Variants in CD4 observed in about 807,000 individuals in gnomAD.
The protein encoded by CD4 is CD4 molecule.
CD4 carries 25 observed loss-of-function variants against 50.5 expected under a neutral mutation model. The observed-to-expected ratio is 0.49, with a 90% CI of 0.36 to 0.69. The LOEUF is 0.69. Among genes scored for constraint, CD4 ranks in the 30% least tolerant of loss-of-function variants. The probability of loss-of-function intolerance (pLI) is 0.00; values close to 1 mark genes in which losing one functional copy is unlikely to be tolerated. For missense variants in CD4, 456 were observed against 548.5 expected, an observed-to-expected ratio of 0.83 and a Z score of 1.68; for synonymous variants, 207 against 221.9, an observed-to-expected ratio of 0.93 and a Z score of 0.60.
rs891486064 is a variant in CD4, at chr12:6,815,690, A to G, written c.608-366A>G. On this transcript the variant is annotated intron_variant, in intron 5 of 9. Transcript: ENST00000011653. ...AGGCACTGAAAATGGTGCCTGGCAC[A>G]GAGTAAGCCCTAGTTAAGTGTTCGC... 2.3e-5 allele frequency: 30 copies of G among 1,304,656 alleles called. No homozygotes were observed. The African/African-American group carries it at 3.6e-4, about 16-fold the overall frequency. 80.8% of individuals were successfully genotyped at this position (1,304,656 alleles called of 1,614,324 possible).
At chr12:6,815,836 C>T (rs1943069389) in intron 5 of CD4, 2 of 1,490,406 alleles carry the variant, frequency 1.3e-6, no homozygotes, top group East Asian at 5.5e-5. Flanking sequence ...GTGATGGCTT[C>T]CGGGAGGAGG....
intron 3 of CD4, among the ~76,000 whole-genome samples, chr12:6,804,800 A>C (rs1249001515): frequency 2.0e-5 from 3 of 151,658 alleles, no homozygotes; most frequent in African/African-American, 7.3e-5. Context: ...GCGGATCATG[A>C]GGTCAGGAGA....
chr12:6,802,031 G>A (rs1591549222), intron 3 of CD4, among the ~76,000 whole-genome samples: 2 of 151,626 alleles, frequency 1.3e-5, no homozygotes, highest in East Asian at 1.9e-4. Flanking sequence ...GTGCCACCAT[G>A]CCCGGCTAAT....
intron 3 of CD4, 81 bp downstream of exon 3, chr12:6,800,552 T>C: frequency 7.8e-7 from 1 of 1,288,704 alleles, no homozygotes; most frequent in East Asian, 2.4e-5. Context: ...CTGGTCTTAG[T>C]TAAACTCTGG....
intron 3 of CD4, among the ~76,000 whole-genome samples, chr12:6,808,255 C>A (rs1326821020): frequency 3.3e-5 from 5 of 150,440 alleles, no homozygotes; most frequent in Non-Finnish European, 5.9e-5. Context: ...GAGATTGAGC[C>A]ACTCTGGCTA....
rs186644989 is a variant in CD4, at chr12:6,803,396, A to C, written c.214+2925A>C. 5.9e-3 allele frequency among the ~76,000 whole-genome samples: 869 copies of C among 148,072 alleles called. 8 individuals carry two copies. The highest frequency in any genetic ancestry group is 0.02 in the African/African-American group (811 of 40,244). On this transcript the variant is annotated intron_variant, in intron 3 of 9. Coordinates refer to ENST00000011653, the MANE Select transcript of CD4 (RefSeq NM_000616.5). ...ACTTCTACCCTCAAGTGATCTACCC[A>C]CCTTGGCCTCCCAAAGTGCTGGGAT...
intron 3 of CD4, among the ~76,000 whole-genome samples, chr12:6,806,174 CACACACACATACACAAGT>C (rs1454935823): frequency 2.4e-4 from 32 of 133,594 alleles, no homozygotes; most frequent in Admixed American, 9.3e-4. Context: ...CACACACACA[CACACACACATACACAAGT>C]ATATACACAT....
At chr12:6,790,524 A>C (rs12424363) in intron 1 of CD4, among the ~76,000 whole-genome samples, 4,037 of 152,328 alleles carry the variant, frequency 0.027, 168 homozygotes, top group East Asian at 0.14. Flanking sequence ...TCATTTAAGA[A>C]ACGGATTCGA....
intron 3 of CD4, among the ~76,000 whole-genome samples, chr12:6,802,810 C>T (rs1445377705): frequency 6.6e-6 from 1 of 151,620 alleles, no homozygotes; most frequent in East Asian, 2.0e-4. Context: ...GATCTCAGCT[C>T]GCTGCAACCT....
Position 6,816,034 on chromosome 12 carries a change from G to A in CD4, c.608-22G>A. On this transcript the variant is annotated intron_variant, in intron 5 of 9. Transcript: ENST00000011653. This position sits in a 1 kb window ranked among gnomAD's most constrained non-coding sequence, Gnocchi z 4.9. ...TCATCTTCCTATCTCCTCACCCAGGGTCTCTCCCTTCCCACCTCCAGCTTT... is the reference window on the plus strand; with the variant it reads ...TCATCTTCCTATCTCCTCACCCAGGATCTCTCCCTTCCCACCTCCAGCTTT... 2 of 1,613,752 alleles carry A rather than the reference G, an allele frequency of 1.2e-6. No homozygotes were observed.
At chr12:6,793,334 C>T (rs1347794225) in intron 1 of CD4, among the ~76,000 whole-genome samples, 1 of 152,130 alleles carries the variant, frequency 6.6e-6, no homozygotes, top group African/African-American at 2.4e-5. Context: ...CCCCAGGCAT[C>T]TTATCAGGGT....
rs1943047781 is a variant in CD4, at chr12:6,814,949, G to T, written c.564G>T (p.Gln188His). The T allele has an allele frequency of 6.2e-7, 1 of 1,613,554 alleles. No homozygotes were observed. The highest frequency in any genetic ancestry group is 8.5e-7 in the Non-Finnish European group (1 of 1,179,694). Residue 188 changes from glutamine to histidine, a missense_variant, in exon 5 of 10, where the codon CAG becomes CAT. Transcript: ENST00000011653. ...GCACCTGGACATGCACTGTCTTGCA[G>T]AACCAGAAGAAGGTGGAGTTCAAAA... ...DSGTWTCTVL[Q>H]NQKKVEFKID...
At position 6,818,606 on chromosome 12, in the gene CD4, C is replaced by A; in HGVS notation, c.1278+64C>A. ...ACCCCTGAGTCCTCTACCAGGAGAT[C>A]CTGTATATGGGAACTGATTTTGGCC... On this transcript the variant is annotated intron_variant, in intron 8 of 9. Coordinates refer to ENST00000011653, the MANE Select transcript of CD4 (RefSeq NM_000616.5). This position sits in a 1 kb window ranked among gnomAD's most constrained non-coding sequence, Gnocchi z 5.0. 6.3e-7 allele frequency: 1 copy of A among 1,598,558 alleles called. No homozygotes were observed. Among genetic ancestry groups the A allele is most frequent in the South Asian group, 1.1e-5 (1 of 90,218 alleles).
At chr12:6,793,834 T>C (rs894858908) in intron 1 of CD4, among the ~76,000 whole-genome samples, 18 of 151,718 alleles carry the variant, frequency 1.2e-4, no homozygotes, top group African/African-American at 4.1e-4. Flanking sequence ...GTATTTTTAG[T>C]AGACACGGGG....
chr12:6,805,045 A>G (rs1392745922), intron 3 of CD4, among the ~76,000 whole-genome samples: 1 of 148,532 alleles, frequency 6.7e-6, no homozygotes, highest in Non-Finnish European at 1.5e-5. Context: ...TTAGCTGAGC[A>G]TTATGGTGTA....
chr12:6,818,066 A>ACG lies in CD4; in HGVS notation c.1157-354_1157-353insGC, dbSNP rs1555118351. ...CATTCACACACATGCACACACGCAC[A>ACG]CACATTCACACATGGACTCACACGC... On this transcript the variant is annotated intron_variant, in intron 7 of 9. Coordinates refer to ENST00000011653, the MANE Select transcript of CD4 (RefSeq NM_000616.5). The surrounding 1 kb of genome is among the most constrained non-coding windows in gnomAD (Gnocchi z 5.0). 1.1e-4 allele frequency among the ~76,000 whole-genome samples: 16 copies of ACG among 145,528 alleles called. No individual in the cohort carries two copies. The highest frequency in any genetic ancestry group is 3.8e-4 in the African/African-American group (15 of 39,956).
Position 6,818,563 on chromosome 12 carries a change from TC to T in CD4, c.1278+25del, listed in dbSNP as rs782652061. 9.3e-6 allele frequency: 15 copies of T among 1,611,856 alleles called. No individual in the cohort carries two copies. The highest frequency in any genetic ancestry group is 1.3e-5 in the African/African-American group (1 of 74,902). ...GAAGGGTGAGTAACCCCACACCTGGTCCCCACAAGGCCCTCAAACCCCTGAG... is the reference window on the plus strand; with the variant it reads ...GAAGGGTGAGTAACCCCACACCTGGTCCCACAAGGCCCTCAAACCCCTGAG... On this transcript the variant is annotated intron_variant, in intron 8 of 9. Transcript: ENST00000011653. The surrounding 1 kb of genome is among the most constrained non-coding windows in gnomAD (Gnocchi z 5.0).
At chr12:6,817,992 G>A (rs12229469) in intron 7 of CD4, among the ~76,000 whole-genome samples, 96,837 of 151,436 alleles carry the variant, frequency 0.64, 31,752 homozygotes, top group East Asian at 0.92. Context: ...ACACGCGCGC[G>A]CACATGCATG....
chr12:6,818,301 CCCCTCT>C lies in CD4; in HGVS notation c.1157-116_1157-111del. Reference sequence around the variant, plus strand: ...CCTTTGAGAGCCCCCAGGCACCCCTCCCCTCTCCCCCAACCCCAGGGTCAAACCAGA... The same window carrying C: ...CCTTTGAGAGCCCCCAGGCACCCCTCCCCCCAACCCCAGGGTCAAACCAGA... On this transcript the variant is annotated intron_variant, in intron 7 of 9. Transcript: ENST00000011653. This position sits in a 1 kb window ranked among gnomAD's most constrained non-coding sequence, Gnocchi z 5.0. 5 of 1,302,488 alleles carry C rather than the reference CCCCTCT, an allele frequency of 3.8e-6. No homozygotes were observed. The highest frequency in any genetic ancestry group is 4.3e-6 in the Non-Finnish European group (4 of 940,256). 80.7% of individuals were successfully genotyped at this position (1,302,488 alleles called of 1,614,324 possible).
Sources: allele counts gnomAD v4.1 joint callset (sites outside exome capture counted in the v4.1 genomes callset), GRCh38; gene constraint gnomAD v4.1.1; non-coding constraint Gnocchi (gnomAD v3.1); transcripts MANE v1.5; gene names NCBI Gene and HGNC (gene_info 2026-07-23, HGNC 2026-07-21).